RIMS1: variants seen among roughly 807,000 people sequenced by gnomAD.
RIMS1 encodes regulating synaptic membrane exocytosis protein 1.
RIMS1 carries 83 observed loss-of-function variants against 214.1 expected under a neutral mutation model. The ratio of observed to expected loss-of-function variants is 0.39; its 90% CI spans 0.32 to 0.47. The LOEUF (loss-of-function observed/expected upper bound fraction) is 0.47. Ranked by LOEUF, RIMS1 falls within the 20% of genes least tolerant of loss-of-function variation. RIMS1 has a pLI of 0.99. For missense variants in RIMS1, 2,050 were observed against 2,161.8 expected, an observed-to-expected ratio of 0.95 and a Z score of 1.03; for synonymous variants, 793 against 786.8, an observed-to-expected ratio of 1.01 and a Z score of -0.13.
intron 1 of RIMS1, among the ~76,000 whole-genome samples, chr6:71,956,821 A>G (rs1791446334): frequency 6.6e-6 from 1 of 152,198 alleles, no homozygotes; most frequent in South Asian, 2.1e-4. Context: ...ATTCTTCAAC[A>G]GCAGTTCCCA....
rs1250868988 is a variant in RIMS1 at position 71,924,630 on chromosome 6, C to CAAAAAAAAAAAAAA, written c.164+37448_164+37461dup. 5.2e-3 allele frequency among the ~76,000 whole-genome samples: 397 copies of CAAAAAAAAAAAAAA among 76,116 alleles called. 19 individuals are homozygous for CAAAAAAAAAAAAAA. The highest frequency in any genetic ancestry group is 0.021 in the African/African-American group (383 of 18,222). The allele number at this position is 76,116 out of a possible 152,430, so 49.9% of individuals were successfully genotyped here. ...CCAACACAGCAAAACCCCATCTCTG[C>CAAAAAAAAAAAAAA]AAAAAAAAAAAAAAAAAATGCAGAA... On this transcript the variant is annotated intron_variant, in intron 1 of 33. Coordinates refer to ENST00000521978, the MANE Select transcript of RIMS1 (RefSeq NM_014989.7).
At chr6:72,329,789 G>T (rs2096597330) in intron 28 of RIMS1, among the ~76,000 whole-genome samples, 1 of 151,632 alleles carries the variant, frequency 6.6e-6, no homozygotes, top group Non-Finnish European at 1.5e-5. Flanking sequence ...GAGCAGTTGG[G>T]TAGATGGGTG....
At chr6:72,175,425 C>A (rs2047565103) in intron 4 of RIMS1, 16 of 377,836 alleles carry the variant, frequency 4.2e-5, no homozygotes, top group South Asian at 3.0e-4. Context: ...GTTATCCCAG[C>A]ACTTTGGGAG....
At chr6:72,037,482 C>A (rs1819974754) in intron 2 of RIMS1, among the ~76,000 whole-genome samples, 1 of 151,730 alleles carries the variant, frequency 6.6e-6, no homozygotes, top group South Asian at 2.1e-4. Context: ...AGTATATTAA[C>A]AAAATACAGA....
intron 16 of RIMS1, among the ~76,000 whole-genome samples, chr6:72,256,688 CT>C (rs67347551): frequency 2.7e-5 from 4 of 148,202 alleles, no homozygotes; most frequent in African/African-American, 2.5e-5. Flanking sequence ...AATAGTCACC[CT>C]TTTTTTTTTA....
chr6:71,946,887 C>CTA (rs1434865365), intron 1 of RIMS1, among the ~76,000 whole-genome samples: 1 of 151,968 alleles, frequency 6.6e-6, no homozygotes, highest in African/African-American at 2.4e-5. Context: ...GCAAAATGTA[C>CTA]ATCTGATAAG....
chr6:72,233,063 C>T lies in RIMS1; in HGVS notation c.1679-710C>T, dbSNP rs141763405. 3.3e-5 allele frequency among the ~76,000 whole-genome samples: 5 copies of T among 151,844 alleles called. No homozygotes were observed. In the East Asian group the frequency reaches 5.8e-4, roughly 18 times the overall value. ...TCATGTAGGTTACCCAATTTTTCTC[C>T]GGCCTTTCATCCTATACAAATACTG... is the stretch of plus-strand genomic sequence containing the variant. On this transcript the variant is annotated intron_variant, in intron 6 of 33. Coordinates refer to ENST00000521978, the MANE Select transcript of RIMS1 (RefSeq NM_014989.7).
At chr6:71,946,439 G>C (rs1404591858) in intron 1 of RIMS1, among the ~76,000 whole-genome samples, 4 of 152,118 alleles carry the variant, frequency 2.6e-5, no homozygotes, top group African/African-American at 9.7e-5. Flanking sequence ...CAAACATGTA[G>C]ATCAATGGAA....
intron 29 of RIMS1, among the ~76,000 whole-genome samples, chr6:72,374,139 T>A (rs1291135988): frequency 6.6e-6 from 1 of 152,168 alleles, no homozygotes; most frequent in Non-Finnish European, 1.5e-5. Flanking sequence ...GGTCTCGATC[T>A]CTTGACCTCG....
At chr6:72,012,737 T>G (rs944420130) in intron 2 of RIMS1, among the ~76,000 whole-genome samples, 4 of 152,112 alleles carry the variant, frequency 2.6e-5, no homozygotes, top group African/African-American at 9.7e-5. Context: ...AGAATCTAGA[T>G]TGGATTTGGA....
chr6:72,331,103 G>A (rs916308131), intron 28 of RIMS1, among the ~76,000 whole-genome samples: 19 of 151,598 alleles, frequency 1.3e-4, no homozygotes, highest in African/African-American at 4.1e-4. Flanking sequence ...TTGGATACCC[G>A]TGAAATAAAC....
At position 72,238,726 on chromosome 6, in the gene RIMS1, A is replaced by C. The variant is rs577735551; in HGVS notation, c.1957+804A>C. Among the ~76,000 whole-genome samples the C allele has an allele frequency of 1.9e-3, 283 of 152,260 alleles. 2 individuals carry two copies. The highest frequency in any genetic ancestry group is 6.3e-3 in the African/African-American group (262 of 41,578). On this transcript the variant is annotated intron_variant, in intron 9 of 33. Transcript: ENST00000521978. The stretch of plus-strand genomic sequence containing the variant: ...TGCCAGACAACTATAAAGGAAACAG[A>C]GTTGGCTGAGCTGTAGAATTAAAGA...
At chr6:72,198,317 G>C (rs1316812678) in intron 6 of RIMS1, among the ~76,000 whole-genome samples, 3 of 119,578 alleles carry the variant, frequency 2.5e-5, no homozygotes, top group African/African-American at 6.9e-5. Context: ...GATGGAACTG[G>C]AGGTTATTAT....
chr6:72,213,416 G>A (rs115260837), intron 6 of RIMS1, among the ~76,000 whole-genome samples: 1 of 152,130 alleles, frequency 6.6e-6, no homozygotes, highest in South Asian at 2.1e-4. Flanking sequence ...AAATGAGATT[G>A]TAGGGTTTAT....
intron 8 of RIMS1, among the ~76,000 whole-genome samples, chr6:72,236,336 T>G (rs1174911020): frequency 6.6e-6 from 1 of 152,200 alleles, no homozygotes; most frequent in African/African-American, 2.4e-5. Flanking sequence ...GCTGCAGAGA[T>G]GCATTTAGGC....
rs867775442 is a variant in RIMS1 at position 71,962,175 on chromosome 6, C to A, written c.165-6808C>A. ...CTTCAATGATTAAGAAGACCAGAGA[C>A]TTTACTTTTTACCTATTATTTTCTT... On this transcript the variant is annotated intron_variant, in intron 1 of 33. Transcript: ENST00000521978. Among the ~76,000 whole-genome samples, 86 of 152,170 alleles carry A rather than the reference C, an allele frequency of 5.7e-4. 2 individuals carry two copies. Among genetic ancestry groups the A allele is most frequent in the African/African-American group, 2.0e-3 (85 of 41,526 alleles).
intron 2 of RIMS1, among the ~76,000 whole-genome samples, chr6:72,040,116 G>C (rs182451061): frequency 6.6e-6 from 1 of 152,134 alleles, no homozygotes; most frequent in East Asian, 1.9e-4. Flanking sequence ...TAGGCTCTAT[G>C]ATACTGGATA....
chr6:72,253,439 A>G (rs1419231288), intron 16 of RIMS1, among the ~76,000 whole-genome samples: 1 of 152,184 alleles, frequency 6.6e-6, no homozygotes, highest in Non-Finnish European at 1.5e-5. Flanking sequence ...GTGATGTTGT[A>G]GGGTTTAAAT....
chr6:72,287,858 G>A (rs2092651780), intron 24 of RIMS1, among the ~76,000 whole-genome samples: 1 of 152,028 alleles, frequency 6.6e-6, no homozygotes, highest in Non-Finnish European at 1.5e-5. Context: ...TCCCATAGTG[G>A]CATGAGCCAC....
Sources: allele counts gnomAD v4.1 joint callset (sites outside exome capture counted in the v4.1 genomes callset), GRCh38; gene constraint gnomAD v4.1.1; transcripts MANE v1.5; gene names NCBI Gene and HGNC (gene_info 2026-07-23, HGNC 2026-07-21).